The following TSG101 variants were observed in gnomAD, a reference collection of about 807,000 sequenced individuals.
The protein encoded by TSG101 is tumor susceptibility gene 101 protein.
In TSG101, 19 loss-of-function variants were observed where a neutral mutation model predicts 48.5. The observed-to-expected ratio is 0.39, with a 90% CI of 0.27 to 0.58. TSG101 has a LOEUF of 0.58. Ranked by LOEUF, TSG101 falls within the 20% of genes least tolerant of loss-of-function variation. The probability of loss-of-function intolerance (pLI) is 0.55; values close to 1 mark genes in which losing one functional copy is unlikely to be tolerated. For synonymous variants in TSG101, 174 were observed against 169.4 expected (o/e 1.03, Z -0.21); for missense variants, 365 against 484.4 (o/e 0.75, Z 2.31).
intron 7 of TSG101, among the ~76,000 whole-genome samples, chr11:18,491,800 A>G (rs1000442746): frequency 6.6e-6 from 1 of 152,234 alleles, no homozygotes; most frequent in Non-Finnish European, 1.5e-5. Flanking sequence ...CTTGCTCTTC[A>G]TGGCAATTTG....
chr11:18,495,937 A>C (rs1489713958), intron 7 of TSG101, among the ~76,000 whole-genome samples: 1 of 151,718 alleles, frequency 6.6e-6, no homozygotes, highest in Non-Finnish European at 1.5e-5. Context: ...AAAAAAAAAA[A>C]AGTACTCTAC....
Position 18,484,065 on chromosome 11 carries a change from A to G in TSG101, c.648T>C (p.Ser216=). Reference sequence around the variant, plus strand: ...TGTCCTCGCTGATTGTGCCATCCCTACTGGGACCTGCAGGAAACAGAGGCA... The same window carrying G: ...TGTCCTCGCTGATTGTGCCATCCCTGCTGGGACCTGCAGGAAACAGAGGCA... ...SQPPVTTVGP[S]RDGTISEDTI... The change falls in exon 8 of 10, where the codon AGT becomes AGC. Residue 216 remains serine (S), a synonymous_variant. Transcript: ENST00000251968. The G allele has an allele frequency of 6.2e-7, 1 of 1,614,034 alleles. No homozygotes were observed. Among genetic ancestry groups the G allele is most frequent in the South Asian group, 1.1e-5 (1 of 91,072 alleles).
intron 8 of TSG101, among the ~76,000 whole-genome samples, chr11:18,483,517 G>A (rs1193715689): frequency 6.8e-6 from 1 of 146,670 alleles, no homozygotes; most frequent in Non-Finnish European, 1.5e-5. Flanking sequence ...AAAAAGGAGT[G>A]CCTTTTGCCT....
intron 7 of TSG101, among the ~76,000 whole-genome samples, chr11:18,501,898 GTGGAGAA>G (rs1849896483): frequency 6.6e-6 from 1 of 152,216 alleles, no homozygotes; most frequent in African/African-American, 2.4e-5. Context: ...ATAAGGTCTA[GTGGAGAA>G]ATCAGCTTTA....
At chr11:18,507,006 G>T in intron 5 of TSG101, 83 bp from the exon 6 acceptor site, 1 of 1,059,130 alleles carries the variant, frequency 9.4e-7, no homozygotes, top group Non-Finnish European at 1.4e-6. Flanking sequence ...ACATCACACT[G>T]TCAATACACA....
intron 7 of TSG101, 45 bp downstream of exon 7, chr11:18,502,441 A>T: frequency 6.6e-7 from 1 of 1,512,630 alleles, no homozygotes; most frequent in South Asian, 1.2e-5. Context: ...ACAGGGAGTT[A>T]GACTTTGCTT....
intron 1 of TSG101, among the ~76,000 whole-genome samples, chr11:18,523,607 A>C (rs1247458201): frequency 6.6e-6 from 1 of 152,064 alleles, no homozygotes; most frequent in African/African-American, 2.4e-5. Context: ...GGTTCAGGCA[A>C]TTCTCCTTTC....
chr11:18,508,093 C>CAAA, intron 5 of TSG101, among the ~76,000 whole-genome samples: 1 of 131,690 alleles, frequency 7.6e-6, no homozygotes, highest in Non-Finnish European at 1.7e-5. Flanking sequence ...GACTCTGTCT[C>CAAA]AAAAAAAAAA....
rs1849544363 is a variant in TSG101 at position 18,481,723 on chromosome 11, A to T, written c.990T>A (p.Asn330Lys). The T allele has an allele frequency of 6.2e-7, 1 of 1,614,196 alleles. No homozygotes were observed. The highest frequency in any genetic ancestry group is 8.5e-7 in the Non-Finnish European group (1 of 1,180,026). The change falls in exon 9 of 10, where the codon AAT (asparagine) becomes AAA (lysine). Residue 330 changes from asparagine to lysine, a missense_variant. Transcript: ENST00000251968. ...PTAPLYKQIL[N>K]LYAEENAIED... is the part of the protein sequence containing the mutation. ...CAATAGCGTTTTCTTCTGCATACAG[A>T]TTCAGGATCTGTTTGTATAAGGGAG... is the stretch of plus-strand genomic sequence containing the variant.
chr11:18,481,966 T>C, intron 8 of TSG101, 97 bp from the exon 9 acceptor site: 1 of 1,495,060 alleles, frequency 6.7e-7, no homozygotes, highest in Non-Finnish European at 9.0e-7. Context: ...CTAACAACCA[T>C]GTTTAAACAA....
intron 7 of TSG101, among the ~76,000 whole-genome samples, chr11:18,501,250 G>A (rs182100172): frequency 3.9e-5 from 6 of 152,278 alleles, no homozygotes; most frequent in East Asian, 3.9e-4. Flanking sequence ...ATAGCTTTGG[G>A]TCTTACATTA....
At chr11:18,515,427 A>C (rs1850154510) in intron 3 of TSG101, among the ~76,000 whole-genome samples, 1 of 152,198 alleles carries the variant, frequency 6.6e-6, no homozygotes, top group Admixed American at 6.5e-5. Flanking sequence ...CTGTCCAAAA[A>C]CAAAATGGTC....
chr11:18,521,665 CCTTCCT>C (rs1850278506), intron 1 of TSG101, among the ~76,000 whole-genome samples: 2 of 136,724 alleles, frequency 1.5e-5, no homozygotes, highest in African/African-American at 2.7e-5. Context: ...GCACCTGGCC[CCTTCCT>C]TTTTTTTTTT....
chr11:18,486,942 A>G (rs1438193048), intron 7 of TSG101, among the ~76,000 whole-genome samples: 7 of 152,004 alleles, frequency 4.6e-5, no homozygotes, highest in Non-Finnish European at 1.0e-4. Context: ...GCAGCCATAA[A>G]AAATGATGAG....
intron 7 of TSG101, among the ~76,000 whole-genome samples, chr11:18,499,652 C>T (rs1320338916): frequency 6.6e-6 from 1 of 150,982 alleles, no homozygotes; most frequent in African/African-American, 2.4e-5. Flanking sequence ...ACCTCGCAAT[C>T]TGCCCGCCTT....
At chr11:18,516,391 A>C (rs1850173946) in intron 2 of TSG101, among the ~76,000 whole-genome samples, 2 of 151,282 alleles carry the variant, frequency 1.3e-5, no homozygotes, top group African/African-American at 2.4e-5. Flanking sequence ...GTTGCCCAGG[A>C]TGGAGTGCAA....
chr11:18,507,397 A>G (rs1246701412), intron 5 of TSG101, among the ~76,000 whole-genome samples: 3 of 152,238 alleles, frequency 2.0e-5, no homozygotes, highest in African/African-American at 7.2e-5. Flanking sequence ...GAAGTCCTAT[A>G]CAAAACTTAC....
At chr11:18,493,454 A>G (rs1172110156) in intron 7 of TSG101, among the ~76,000 whole-genome samples, 1 of 152,224 alleles carries the variant, frequency 6.6e-6, no homozygotes, top group African/African-American at 2.4e-5. Flanking sequence ...AAGCTATTTT[A>G]TATTAGAGAA....
intron 7 of TSG101, among the ~76,000 whole-genome samples, chr11:18,499,403 T>TATATATATATATATATATATATATATA (rs1554970813): frequency 4.4e-4 from 3 of 6,852 alleles, no homozygotes; most frequent in Non-Finnish European, 5.2e-4. Flanking sequence ...TATATATATA[T>TATATATATATATATATATATATATATA]TTTTTTTTTT....
Sources: allele counts gnomAD v4.1 joint callset (sites outside exome capture counted in the v4.1 genomes callset), GRCh38; gene constraint gnomAD v4.1.1; transcripts MANE v1.5; gene names NCBI Gene and HGNC (gene_info 2026-07-23, HGNC 2026-07-21).